The following PCDH9 variants were observed in gnomAD, a reference collection of about 807,000 sequenced individuals.
PCDH9 encodes protocadherin-9.
PCDH9 carries 24 observed loss-of-function variants against 70.6 expected under a neutral mutation model. The ratio of observed to expected loss-of-function variants is 0.34; its 90% CI spans 0.25 to 0.48. The LOEUF (loss-of-function observed/expected upper bound fraction) is 0.48. Among genes scored for constraint, PCDH9 ranks in the 20% least tolerant of loss-of-function variants. PCDH9 has a pLI of 0.99. For missense variants in PCDH9, 1,281 were observed against 1,503.6 expected (o/e 0.85, Z 2.45); for synonymous variants, 562 against 558.5 (o/e 1.01, Z -0.09).
chr13:66,636,150 G>A (rs1241054939), intron 3 of PCDH9, among the ~76,000 whole-genome samples: 1 of 151,950 alleles, frequency 6.6e-6, no homozygotes, highest in Non-Finnish European at 1.5e-5. Context: ...GTATTGTTTG[G>A]TCATGTGATT....
At chr13:66,573,652 TA>T (rs1370298826) in intron 4 of PCDH9, among the ~76,000 whole-genome samples, 1 of 152,196 alleles carries the variant, frequency 6.6e-6, no homozygotes, top group Non-Finnish European at 1.5e-5. Flanking sequence ...TTTGATAAAC[TA>T]AAAAATAATT....
intron 2 of PCDH9, among the ~76,000 whole-genome samples, chr13:66,922,571 T>C (rs1246851440): frequency 1.3e-5 from 2 of 151,480 alleles, no homozygotes; most frequent in African/African-American, 4.8e-5. Flanking sequence ...CTTATGTTCA[T>C]AGCCTCCCTG....
At chr13:66,456,207 C>T (rs1414567665) in intron 4 of PCDH9, among the ~76,000 whole-genome samples, 1 of 151,986 alleles carries the variant, frequency 6.6e-6, no homozygotes, top group East Asian at 1.9e-4. Context: ...ATTTTAAAAT[C>T]CATATTCTGC....
At chr13:66,541,236 G>A (rs1593646304) in intron 4 of PCDH9, among the ~76,000 whole-genome samples, 2 of 152,018 alleles carry the variant, frequency 1.3e-5, no homozygotes, top group South Asian at 4.2e-4. Flanking sequence ...CTCTCAGATG[G>A]CACAAAAGTC....
At chr13:67,084,775 T>G (rs1337013478) in intron 2 of PCDH9, among the ~76,000 whole-genome samples, 2 of 151,292 alleles carry the variant, frequency 1.3e-5, no homozygotes, top group Non-Finnish European at 2.9e-5. Context: ...GAGACCATCC[T>G]GGCCAACATG....
chr13:66,785,698 A>G (rs1412311143), intron 3 of PCDH9, among the ~76,000 whole-genome samples: 3 of 152,120 alleles, frequency 2.0e-5, no homozygotes, highest in African/African-American at 4.8e-5. Context: ...AATCCAACAG[A>G]AAGTTGTTGA....
chr13:66,358,522 G>C (rs893258872), intron 4 of PCDH9, among the ~76,000 whole-genome samples: 3 of 151,866 alleles, frequency 2.0e-5, no homozygotes, highest in African/African-American at 7.2e-5. Flanking sequence ...CTCTATACTG[G>C]ATAATTACAA....
intron 2 of PCDH9, chr13:67,203,179 A>T (rs1052406315): frequency 6.6e-6 from 1 of 152,144 alleles, no homozygotes; most frequent in Non-Finnish European, 1.5e-5. Flanking sequence ...ATTCTTTCTT[A>T]ATTTTTGAAA....
chr13:66,303,466 G>C lies in PCDH9; in HGVS notation c.*1189C>G, dbSNP rs1196811289. The C allele has an allele frequency of 6.6e-6, 1 of 152,406 alleles. No homozygotes were observed. Among genetic ancestry groups the C allele is most frequent in the Non-Finnish European group, 1.5e-5 (1 of 67,972 alleles). 9.4% of individuals were successfully genotyped at this position (152,406 alleles called of 1,614,324 possible). On this transcript the variant is annotated 3_prime_UTR_variant, in exon 5 of 5. Coordinates refer to ENST00000377865, the MANE Select transcript of PCDH9 (RefSeq NM_203487.3). ...GAGAATGTTCTGTTACATCATGAAG[G>C]CACAACACATTAAATATTTTGTGGC...
intron 2 of PCDH9, among the ~76,000 whole-genome samples, chr13:67,171,425 A>G (rs1432808852): frequency 6.6e-6 from 1 of 152,078 alleles, no homozygotes. Flanking sequence ...ACTCTCTGGG[A>G]AGATCACATT....
At chr13:66,476,828 T>C (rs746138559) in intron 4 of PCDH9, among the ~76,000 whole-genome samples, 5 of 152,196 alleles carry the variant, frequency 3.3e-5, no homozygotes, top group Non-Finnish European at 7.4e-5. Context: ...AATGTTAACA[T>C]GATGGTACTA....
intron 4 of PCDH9, among the ~76,000 whole-genome samples, chr13:66,405,441 C>G (rs1258395179): frequency 6.6e-6 from 1 of 152,172 alleles, no homozygotes; most frequent in African/African-American, 2.4e-5. Context: ...CTTCTAAATA[C>G]ATAGGTTGTG....
intron 2 of PCDH9, among the ~76,000 whole-genome samples, chr13:66,992,830 T>C (rs942019747): frequency 1.3e-5 from 2 of 151,662 alleles, no homozygotes; most frequent in South Asian, 2.1e-4. Context: ...ATATTGTCTA[T>C]CAGTTGTCTT....
At chr13:66,416,992 T>A (rs1189577038) in intron 4 of PCDH9, among the ~76,000 whole-genome samples, 1 of 152,334 alleles carries the variant, frequency 6.6e-6, no homozygotes, top group African/African-American at 2.4e-5. Context: ...TATTTCTGTA[T>A]AATCCTGAGT....
intron 4 of PCDH9, among the ~76,000 whole-genome samples, chr13:66,452,682 T>C (rs1399775375): frequency 6.6e-6 from 1 of 152,088 alleles, no homozygotes; most frequent in Non-Finnish European, 1.5e-5. Context: ...AATTACTTTC[T>C]CAAAGTAATT....
intron 4 of PCDH9, among the ~76,000 whole-genome samples, chr13:66,531,064 A>G (rs551884181): frequency 1.3e-5 from 2 of 151,910 alleles, no homozygotes; most frequent in Non-Finnish European, 2.9e-5. Flanking sequence ...GATTTTTAAA[A>G]TAACTTGAAA....
At chr13:66,435,597 G>C (rs1472396675) in intron 4 of PCDH9, among the ~76,000 whole-genome samples, 1 of 151,900 alleles carries the variant, frequency 6.6e-6, no homozygotes, top group African/African-American at 2.4e-5. Context: ...CACATGCTAA[G>C]GCTTTAATAT....
chr13:66,903,981 A>T (rs1213849352), intron 2 of PCDH9, among the ~76,000 whole-genome samples: 1 of 151,924 alleles, frequency 6.6e-6, no homozygotes, highest in African/African-American at 2.4e-5. Context: ...TGTGACATGG[A>T]TATTATTAAC....
At chr13:66,432,559 A>G (rs573728547) in intron 4 of PCDH9, among the ~76,000 whole-genome samples, 1 of 152,094 alleles carries the variant, frequency 6.6e-6, no homozygotes, top group East Asian at 1.9e-4. Flanking sequence ...GGCATGTTGG[A>G]AAGGCATCTA....
Sources: gnomAD v4.1 joint callset for allele counts (sites outside exome capture counted in the v4.1 genomes callset) on GRCh38, gnomAD v4.1.1 for gene constraint, MANE v1.5 for transcripts, NCBI Gene and HGNC (gene_info 2026-07-23, HGNC 2026-07-21) for gene names.